PTPN3: variants seen among roughly 807,000 people sequenced by gnomAD.
PTPN3 encodes the protein tyrosine-protein phosphatase non-receptor type 3.
In PTPN3, 96 loss-of-function variants were observed where a neutral mutation model predicts 132.7. That is an observed-to-expected ratio of 0.72 (90% CI 0.61 to 0.86). The LOEUF is 0.86. Ranked by LOEUF, PTPN3 falls within the 40% of genes least tolerant of loss-of-function variation. The pLI is 0.00. For synonymous variants in PTPN3, 398 were observed against 429.0 expected (o/e 0.93, Z 0.89); for missense variants, 1,125 against 1,159.6 (o/e 0.97, Z 0.43).
chr9:109,450,984 T>A, intron 5 of PTPN3: 3 of 983,362 alleles, frequency 3.1e-6, no homozygotes, highest in Non-Finnish European at 3.6e-6. Context: ...TGGGGTAAGA[T>A]AACTATGTTC....
the PTPN3 span, among the ~76,000 whole-genome samples, chr9:109,522,788 C>T: frequency 6.6e-6 from 1 of 152,150 alleles, no homozygotes; most frequent in African/African-American, 2.4e-5. Context: ...GTGGAAAATA[C>T]TAAATCAAAA....
intron 14 of PTPN3, among the ~76,000 whole-genome samples, chr9:109,412,832 T>A (rs182804223): frequency 5.4e-4 from 82 of 152,226 alleles, no homozygotes; most frequent in African/African-American, 1.9e-3. Context: ...GATTTAAAAC[T>A]CAATGGTCTG....
At chr9:109,410,169 C>A (rs889026303) in intron 15 of PTPN3, 60 bp downstream of exon 15, 15 of 1,611,058 alleles carry the variant, frequency 9.3e-6, no homozygotes, top group African/African-American at 2.7e-5. Flanking sequence ...TACTCAGCTG[C>A]CCACAAGAGG....
intron 4 of PTPN3, among the ~76,000 whole-genome samples, chr9:109,455,114 C>T (rs1006004917): frequency 1.3e-5 from 2 of 152,208 alleles, no homozygotes; most frequent in Admixed American, 6.5e-5. Context: ...ATCTTTGATT[C>T]TGCTATACCA....
the PTPN3 span, among the ~76,000 whole-genome samples, chr9:109,536,215 G>A: frequency 1.3e-5 from 2 of 152,214 alleles, no homozygotes; most frequent in African/African-American, 4.8e-5. Context: ...TTTTATGGCT[G>A]AGTAATAGTC....
intron 19 of PTPN3, among the ~76,000 whole-genome samples, chr9:109,401,722 G>GCA (rs1048449113): frequency 1.1e-4 from 16 of 152,186 alleles, no homozygotes; most frequent in Non-Finnish European, 5.9e-5. Flanking sequence ...CCCAGGATCT[G>GCA]CACTGCGCTG....
At chr9:109,417,698 TG>T (rs1340282682) in intron 14 of PTPN3, 2 of 985,258 alleles carry the variant, frequency 2.0e-6, no homozygotes, top group South Asian at 4.7e-5. Context: ...ACAGAGGTGG[TG>T]GGGGCTGCTT....
chr9:109,408,416 T>A (rs770729872), intron 16 of PTPN3, 39 bp from the exon 17 acceptor site: 1 of 1,464,442 alleles, frequency 6.8e-7, no homozygotes, highest in South Asian at 1.3e-5. Context: ...CAAAGTTTTT[T>A]AAGTTAAACA....
chr9:109,507,928 C>G, the PTPN3 span, among the ~76,000 whole-genome samples: 1 of 152,104 alleles, frequency 6.6e-6, no homozygotes, highest in South Asian at 2.1e-4. Flanking sequence ...TGAATGTCAC[C>G]CCCTGTCCAG....
At chr9:109,433,782 C>T (rs890364357) in intron 9 of PTPN3, among the ~76,000 whole-genome samples, 2 of 152,056 alleles carry the variant, frequency 1.3e-5, no homozygotes, top group African/African-American at 4.8e-5. Context: ...GTAGCATACG[C>T]CTGTAGTCCC....
At chr9:109,403,908 T>A (rs1030991838) in intron 19 of PTPN3, among the ~76,000 whole-genome samples, 4 of 152,152 alleles carry the variant, frequency 2.6e-5, no homozygotes, top group African/African-American at 9.7e-5. Flanking sequence ...TTTGGTTTCT[T>A]ACTTGTGTTT....
chr9:109,527,120 A>T, the PTPN3 span, among the ~76,000 whole-genome samples: 4 of 152,358 alleles, frequency 2.6e-5, no homozygotes, highest in East Asian at 1.9e-4. Flanking sequence ...GATACAAAAA[A>T]GTATAAGTCA....
chr9:109,492,135 T>C (rs1021934356), intron 1 of PTPN3, among the ~76,000 whole-genome samples: 1 of 152,048 alleles, frequency 6.6e-6, no homozygotes, highest in Non-Finnish European at 1.5e-5. Flanking sequence ...TGGGGAAGAC[T>C]GAGCTCAGAG....
At chr9:109,450,516 T>G in intron 5 of PTPN3, 2 of 985,154 alleles carry the variant, frequency 2.0e-6, no homozygotes, top group Non-Finnish European at 2.4e-6. Flanking sequence ...AATGCTGCCT[T>G]GTCATATATT....
Position 109,429,535 on chromosome 9 carries a change from G to C in PTPN3, c.765-851C>G, listed in dbSNP as rs1588410485. 3.3e-5 allele frequency among the ~76,000 whole-genome samples: 5 copies of C among 152,350 alleles called. No homozygotes were observed. In the South Asian group the frequency reaches 8.3e-4, roughly 25 times the overall value. The stretch of plus-strand genomic sequence containing the variant: ...ACATAACTTTTAAAATAAATTTACA[G>C]TTGACCCTTGATTAACAAAGGTTTG... On this transcript the variant is annotated intron_variant, in intron 10 of 25. Transcript: ENST00000374541.
At chr9:109,395,218 T>G (rs1450248026) in intron 19 of PTPN3, among the ~76,000 whole-genome samples, 1 of 151,998 alleles carries the variant, frequency 6.6e-6, no homozygotes, top group Non-Finnish European at 1.5e-5. Context: ...TTTGGTTATT[T>G]CTGAATTATC....
the PTPN3 span, among the ~76,000 whole-genome samples, chr9:109,510,599 A>ATATATATATATTTATATATT: frequency 1.2e-5 from 1 of 82,902 alleles, no homozygotes; most frequent in Non-Finnish European, 2.3e-5. Flanking sequence ...ATATATATAT[A>ATATATATATATTTATATATT]TATATATATG....
At chr9:109,502,141 A>G (rs1390962316), upstream of PTPN3, among the ~76,000 whole-genome samples, 1 of 152,252 alleles carries the variant, frequency 6.6e-6, no homozygotes, top group Non-Finnish European at 1.5e-5. Context: ...GAACATCTAA[A>G]CATAGTTATT....
rs575783887 is a variant in PTPN3, at chr9:109,453,317, C to T, written c.368+1179G>A. On this transcript the variant is annotated intron_variant, in intron 5 of 25. Coordinates refer to ENST00000374541, the MANE Select transcript of PTPN3 (RefSeq NM_002829.4). The stretch of plus-strand genomic sequence containing the variant: ...CCTCCTTGATTATGTCTTTTGGCCA[C>T]GATGAATGTAAAACAGGATTCAATA... 1.0e-3 allele frequency among the ~76,000 whole-genome samples: 156 copies of T among 151,300 alleles called. 2 individuals are homozygous for T. The South Asian group carries it at 0.032, about 31-fold the overall frequency.
Sources: gnomAD v4.1 joint callset for allele counts (sites outside exome capture counted in the v4.1 genomes callset) on GRCh38, gnomAD v4.1.1 for gene constraint, MANE v1.5 for transcripts, NCBI Gene and HGNC (gene_info 2026-07-23, HGNC 2026-07-21) for gene names.